The following MORN5 variants were observed in gnomAD, a reference collection of about 807,000 sequenced individuals.
MORN5 encodes MORN repeat containing 5.
A neutral mutation model predicts 22.1 loss-of-function variants in MORN5; 21 were observed. That is an observed-to-expected ratio of 0.95 (90% CI 0.67 to 1.37). The LOEUF is 1.37. Ranked by LOEUF, MORN5 falls within the 40% of genes most tolerant of loss-of-function variation. The pLI is 0.00. For synonymous variants in MORN5, 73 were observed against 74.0 expected, an observed-to-expected ratio of 0.99 and a Z score of 0.07; for missense variants, 211 against 215.1, an observed-to-expected ratio of 0.98 and a Z score of 0.12.
intron 1 of MORN5, chr9:122,164,547 G>C (rs1481352893): frequency 1.0e-6 from 1 of 983,576 alleles, no homozygotes; most frequent in East Asian, 1.1e-4. Flanking sequence ...TGGAAATAGA[G>C]AACTCTAAGG....
At chr9:122,173,838 A>C (rs1398742270) in intron 3 of MORN5, among the ~76,000 whole-genome samples, 2 of 152,090 alleles carry the variant, frequency 1.3e-5, no homozygotes, top group Non-Finnish European at 2.9e-5. Context: ...AACCTTGGGA[A>C]AGTTACTTTA....
At chr9:122,187,654 C>T (rs1440272182) in intron 4 of MORN5, among the ~76,000 whole-genome samples, 1 of 152,146 alleles carries the variant, frequency 6.6e-6, no homozygotes, top group Non-Finnish European at 1.5e-5. Flanking sequence ...AACTCCCACC[C>T]CTCGAAATAT....
At chr9:122,191,602 T>C (rs1240854025) in intron 4 of MORN5, among the ~76,000 whole-genome samples, 1 of 152,136 alleles carries the variant, frequency 6.6e-6, no homozygotes, top group Admixed American at 6.5e-5. Context: ...TCTCTTCCCT[T>C]CCCTACTCCC....
chr9:122,176,173 A>G (rs1301254584), intron 4 of MORN5, among the ~76,000 whole-genome samples: 1 of 151,626 alleles, frequency 6.6e-6, no homozygotes, highest in Non-Finnish European at 1.5e-5. Flanking sequence ...CTATGACTGG[A>G]ATCCTGGAGC....
chr9:122,174,011 C>T (rs1829406269), intron 3 of MORN5, among the ~76,000 whole-genome samples: 1 of 152,248 alleles, frequency 6.6e-6, no homozygotes, highest in Non-Finnish European at 1.5e-5. Context: ...CCACCTGCCC[C>T]TTGTCCACCT....
In MORN5 at chr9:122,166,907, G is replaced by A. The variant is rs1829293782; in HGVS notation, c.187G>A (p.Ala63Thr). Reference sequence around the variant, plus strand: ...CGACGCCATTTGGGAAAACGGATTGGCCATAAAGGTGATCAGCTGGGGGGA... The same window carrying A: ...CGACGCCATTTGGGAAAACGGATTGACCATAAAGGTGATCAGCTGGGGGGA... ...QYDAIWENGL[A>T]IKGTYTFSDG... Residue 63 changes from alanine (A) to threonine (T), a missense_variant, in exon 2 of 5, where the codon GCC (alanine) becomes ACC (threonine). By Grantham distance (58) the Ala-to-Thr change is moderately conservative. Transcript: ENST00000373764. The A allele has an allele frequency of 6.2e-7, 1 of 1,613,344 alleles. No individual in the cohort carries two copies. Among genetic ancestry groups the A allele is most frequent in the South Asian group, 1.1e-5 (1 of 90,868 alleles).
At chr9:122,191,426 A>G (rs1354304690) in intron 4 of MORN5, among the ~76,000 whole-genome samples, 1 of 152,024 alleles carries the variant, frequency 6.6e-6, no homozygotes, top group East Asian at 1.9e-4. Context: ...GGGGCAAATC[A>G]TTTCTCCCAT....
chr9:122,166,988 C>T, intron 2 of MORN5, 73 bp downstream of exon 2: 1 of 1,444,780 alleles, frequency 6.9e-7, no homozygotes, highest in South Asian at 1.3e-5. Flanking sequence ...TCTGGCACCC[C>T]ATCCTCCCTG....
intron 4 of MORN5, among the ~76,000 whole-genome samples, chr9:122,182,035 C>T (rs1346278462): frequency 6.6e-6 from 1 of 152,136 alleles, no homozygotes; most frequent in Non-Finnish European, 1.5e-5. Context: ...GTCTTTCTGC[C>T]TCCTCAATGG....
chr9:122,176,066 C>T (rs11791316), intron 4 of MORN5, among the ~76,000 whole-genome samples: 6,385 of 147,550 alleles, frequency 0.043, 189 homozygotes, highest in African/African-American at 0.071. Context: ...TGCAGTGAGC[C>T]GAGATCGCGC....
At chr9:122,196,729 C>T (rs1829901282) in intron 4 of MORN5, among the ~76,000 whole-genome samples, 1 of 152,240 alleles carries the variant, frequency 6.6e-6, no homozygotes, top group African/African-American at 2.4e-5. Context: ...TCTCATCCCA[C>T]TGTGCAGGGC....
chr9:122,176,109 C>G (rs1262597769), intron 4 of MORN5, among the ~76,000 whole-genome samples: 1 of 144,676 alleles, frequency 6.9e-6, no homozygotes, highest in Non-Finnish European at 1.5e-5. Flanking sequence ...CAGAGCAAGA[C>G]TCCGTCTCAA....
At position 122,165,745 on chromosome 9, in the gene MORN5, G is replaced by A. The variant is rs949312492; in HGVS notation, c.48-1023G>A. Among the ~76,000 whole-genome samples, 5 of 152,242 alleles carry A rather than the reference G, an allele frequency of 3.3e-5. No homozygotes were observed. In the South Asian group the frequency reaches 6.2e-4, roughly 19 times the overall value. On this transcript the variant is annotated intron_variant, in intron 1 of 4. Coordinates refer to ENST00000373764, the MANE Select transcript of MORN5 (RefSeq NM_198469.4). ...TGTGAGCCCCCCGAGGACAGGGACCGCATCTGCCTTGATCACTGTTGAATC... is the reference window on the plus strand; with the variant it reads ...TGTGAGCCCCCCGAGGACAGGGACCACATCTGCCTTGATCACTGTTGAATC...
chr9:122,167,264 T>C (rs1294351627), intron 2 of MORN5, among the ~76,000 whole-genome samples: 1 of 151,306 alleles, frequency 6.6e-6, no homozygotes, highest in South Asian at 2.1e-4. Context: ...GCCAGGATGG[T>C]CTCAGTCTCT....
intron 3 of MORN5, 130 bp from the exon 4 acceptor site, chr9:122,174,366 T>A: frequency 9.9e-7 from 1 of 1,008,450 alleles, no homozygotes; most frequent in Non-Finnish European, 1.5e-6. Flanking sequence ...TTGCCCTGAG[T>A]AGGGGGTATT....
intron 4 of MORN5, among the ~76,000 whole-genome samples, chr9:122,191,380 C>T (rs1829761748): frequency 6.6e-6 from 1 of 152,250 alleles, no homozygotes; most frequent in African/African-American, 2.4e-5. Flanking sequence ...GTGCCAGACA[C>T]ACTGAGCCCT....
At chr9:122,173,087 G>A (rs1384088531) in intron 3 of MORN5, among the ~76,000 whole-genome samples, 1 of 152,202 alleles carries the variant, frequency 6.6e-6, no homozygotes, top group African/African-American at 2.4e-5. Context: ...CACAATGGCT[G>A]GTTATGCTAA....
intron 4 of MORN5, among the ~76,000 whole-genome samples, chr9:122,177,703 A>T (rs982314429): frequency 6.6e-6 from 1 of 152,116 alleles, no homozygotes; most frequent in African/African-American, 2.4e-5. Context: ...AAAGTGCTGG[A>T]ATTACCTGAC....
chr9:122,175,704 G>C, intron 4 of MORN5: 1 of 985,282 alleles, frequency 1.0e-6, no homozygotes, highest in Non-Finnish European at 1.2e-6. Context: ...TAATGAGAAA[G>C]AAACTGCCAG....
Sources: allele counts gnomAD v4.1 joint callset (sites outside exome capture counted in the v4.1 genomes callset), GRCh38; gene constraint gnomAD v4.1.1; transcripts MANE v1.5; gene names NCBI Gene and HGNC (gene_info 2026-07-23, HGNC 2026-07-21).